SPTA1: variants seen among roughly 807,000 people sequenced by gnomAD.
SPTA1 encodes spectrin alpha, erythrocytic 1, also known as spectrin alpha chain, erythrocytic 1.
A neutral mutation model predicts 324.7 loss-of-function variants in SPTA1; 177 were observed. The ratio of observed to expected loss-of-function variants is 0.55; its 90% CI spans 0.48 to 0.62. The LOEUF is 0.62. Ranked by LOEUF, SPTA1 falls within the 20% of genes least tolerant of loss-of-function variation. The pLI is 0.00. For synonymous variants in SPTA1, 1,195 were observed against 1,041.3 expected (o/e 1.15, Z -2.84); for missense variants, 3,162 against 2,883.6 (o/e 1.10, Z -2.21).
In SPTA1 at chr1:158,680,748, A is replaced by C. The variant is rs1307616428; in HGVS notation, c.532-19T>G. ...TAGCCTCCTGTAGACACAGAAGTTG[A>C]TTGAGTTGCCAGCAAACATTTAGGA... On this transcript the variant is annotated intron_variant, in intron 4 of 51. Coordinates refer to ENST00000643759, the MANE Select transcript of SPTA1 (RefSeq NM_003126.4). 6.2e-7 allele frequency: 1 copy of C among 1,613,276 alleles called. No homozygotes were observed. The highest frequency in any genetic ancestry group is 8.5e-7 in the Non-Finnish European group (1 of 1,179,710).
Position 158,661,426 on chromosome 1 carries a change from T to C in SPTA1, c.2465-17A>G. 1 of 1,613,772 alleles carries C rather than the reference T, an allele frequency of 6.2e-7. No individual in the cohort carries two copies. Among genetic ancestry groups the C allele is most frequent in the Non-Finnish European group, 8.5e-7 (1 of 1,179,812 alleles). ...GGTCCTTTCCTGCAGAGGAAAGGAATTTCAAAGTTTCGGATTATCCTGGTG... is the reference window on the plus strand; with the variant it reads ...GGTCCTTTCCTGCAGAGGAAAGGAACTTCAAAGTTTCGGATTATCCTGGTG... On this transcript the variant is annotated splice_polypyrimidine_tract_variant and intron_variant, in intron 17 of 51. Transcript: ENST00000643759.
At position 158,634,616 on chromosome 1, in the gene SPTA1, T is replaced by C; in HGVS notation, c.5492A>G (p.Glu1831Gly). Residue 1831 changes from glutamate (E) to glycine (G), a missense_variant, in exon 39 of 52, where the codon GAG (glutamate) becomes GGG (glycine). By Grantham distance (98) the Glu-to-Gly change is moderately conservative (BLOSUM62 -2). Coordinates refer to ENST00000643759, the MANE Select transcript of SPTA1 (RefSeq NM_003126.4). ...YLQFMQNAEEEEAWINEKNAL... is the reference protein window; with the variant it reads ...YLQFMQNAEEGEAWINEKNAL... ...ATTCTTTTCATTGATCCAAGCTTCCTCTTCCTCAGCATTCTGCATGAATTG... is the reference window on the plus strand; with the variant it reads ...ATTCTTTTCATTGATCCAAGCTTCCCCTTCCTCAGCATTCTGCATGAATTG... The C allele has an allele frequency of 6.2e-7, 1 of 1,614,202 alleles. No individual in the cohort carries two copies. The highest frequency in any genetic ancestry group is 8.5e-7 in the Non-Finnish European group (1 of 1,180,038).
chr1:158,638,276 G>A (rs770899166), intron 35 of SPTA1, 35 bp from the exon 36 acceptor site: 13 of 1,591,242 alleles, frequency 8.2e-6, no homozygotes, highest in African/African-American at 1.3e-5. Context: ...GAATAGTATA[G>A]TATAGGCATT....
Position 158,672,102 on chromosome 1 carries a change from T to C in SPTA1, c.1445A>G (p.Tyr482Cys), listed in dbSNP as rs770797919. Reference sequence around the variant, plus strand: ...ACTGTCCACTTGCTCACTGTCTCTGTAGAAGAGATGAAAGTCCAAGCACTG... The same window carrying C: ...ACTGTCCACTTGCTCACTGTCTCTGCAGAAGAGATGAAAGTCCAAGCACTG... ...YEQCLDFHLF[Y>C]RDSEQVDSWM... The change falls in exon 11 of 52, where the codon TAC (tyrosine) becomes TGC (cysteine). Residue 482 changes from tyrosine (Y) to cysteine (C), a missense_variant. Tyr to Cys is a radical substitution (Grantham distance 194). Transcript: ENST00000643759. The C allele has an allele frequency of 1.2e-6, 2 of 1,613,928 alleles. No homozygotes were observed. Among genetic ancestry groups the C allele is most frequent in the Non-Finnish European group, 1.7e-6 (2 of 1,179,962 alleles).
rs902558298 is a variant in SPTA1 at position 158,640,022 on chromosome 1, G to A, written c.4738-15C>T. 3.1e-6 allele frequency: 5 copies of A among 1,613,624 alleles called. No homozygotes were observed. The African/African-American group carries it at 5.3e-5, about 17-fold the overall frequency. On this transcript the variant is annotated splice_polypyrimidine_tract_variant and intron_variant, in intron 33 of 51. Transcript: ENST00000643759. ...TCCAGTTGCTCCTAACCCAAGGAGAGTGAGGAGTCATTACAATCTTTAGGA... is the reference window on the plus strand; with the variant it reads ...TCCAGTTGCTCCTAACCCAAGGAGAATGAGGAGTCATTACAATCTTTAGGA...
intron 2 of SPTA1, 126 bp downstream of exon 2, chr1:158,684,982 T>G (rs946863617): frequency 2.5e-5 from 29 of 1,177,276 alleles, no homozygotes; most frequent in Non-Finnish European, 3.2e-5. Flanking sequence ...CACTGACTTA[T>G]TTTTGTTTCT....
At chr1:158,685,424 G>C (rs564641377) in intron 1 of SPTA1, 77 bp from the exon 2 acceptor site, 2 of 1,582,578 alleles carry the variant, frequency 1.3e-6, no homozygotes, top group East Asian at 4.5e-5. Flanking sequence ...GTGTCAAGGT[G>C]TTTACTCATG....
chr1:158,653,203 A>T (rs1344129290), intron 22 of SPTA1, 71 bp downstream of exon 22: 2 of 1,605,274 alleles, frequency 1.2e-6, no homozygotes, highest in South Asian at 2.2e-5. Flanking sequence ...ATGCAGGGTC[A>T]TGAGAAGAAA....
At chr1:158,651,530 T>C in intron 23 of SPTA1, 62 bp from the exon 24 acceptor site, 1 of 1,117,362 alleles carries the variant, frequency 8.9e-7, no homozygotes, top group South Asian at 1.2e-5. Context: ...AATCCCCTCA[T>C]CAAGAATCTA....
rs886045392 is a variant in SPTA1, at chr1:158,671,388, A to G, written c.1554T>C (p.His518=). Residue 518 remains histidine (H), a synonymous_variant, in exon 12 of 52, where the codon CAT becomes CAC. Coordinates refer to ENST00000643759, the MANE Select transcript of SPTA1 (RefSeq NM_003126.4). ...LGSAEALLQK[H]EDFEEAFTAQ... is the part of the protein sequence containing the mutation. ...CAGTAAAGGCTTCCTCAAAGTCTTC[A>G]TGCTTCTGAAGAAGGGCTTCTGCAC... 6.2e-7 allele frequency: 1 copy of G among 1,613,524 alleles called. No individual in the cohort carries two copies. The highest frequency in any genetic ancestry group is 1.1e-5 in the South Asian group (1 of 91,054).
chr1:158,644,208 A>G (rs751062212), intron 30 of SPTA1, 45 bp downstream of exon 30: 5 of 1,607,718 alleles, frequency 3.1e-6, no homozygotes, highest in Non-Finnish European at 1.7e-6. Flanking sequence ...TTCTGTTATT[A>G]TTACTACGGA....
At chr1:158,669,313 C>T (rs1235643443) in intron 14 of SPTA1, 95 bp downstream of exon 14, 2 of 1,539,306 alleles carry the variant, frequency 1.3e-6, no homozygotes, top group East Asian at 2.2e-5. Flanking sequence ...ATGAGGATCA[C>T]CAGCTGAACG....
In SPTA1 at chr1:158,644,257, G is replaced by C; in HGVS notation, c.4334C>G (p.Ala1445Gly). The C allele has an allele frequency of 6.2e-7, 1 of 1,613,698 alleles. No homozygotes were observed. The highest frequency in any genetic ancestry group is 8.5e-7 in the Non-Finnish European group (1 of 1,179,818). Reference sequence around the variant, plus strand: ...TCCTTTACTAGTCATTATTACCTGGGCAGTGATTGCTTTGTCCAAATCGTC... The same window carrying C: ...TCCTTTACTAGTCATTATTACCTGGCCAGTGATTGCTTTGTCCAAATCGTC... ...KRDDLDKAIT[A>G]QEGKITDLEH... The change falls in exon 30 of 52, where the codon GCC becomes GGC. Residue 1445 changes from alanine to glycine, a missense_variant. Transcript: ENST00000643759.
rs1013434887 is a variant in SPTA1 at position 158,637,925 on chromosome 1, A to G, written c.5189+108T>C. 20 of 1,271,172 alleles carry G rather than the reference A, an allele frequency of 1.6e-5. 1 individual carries two copies. Among genetic ancestry groups the G allele is most frequent in the African/African-American group, 4.4e-5 (3 of 68,240 alleles). The allele number at this position is 1,271,172 out of a possible 1,614,324, so 78.7% of individuals were successfully genotyped here. ...GCTGAGGCAAACATGAAGTAGTGCT[A>G]TCTTCAAGAAACAAGTACAAATTTC... On this transcript the variant is annotated intron_variant, in intron 36 of 51. Transcript: ENST00000643759.
At chr1:158,665,394 T>C (rs1488605823) in intron 16 of SPTA1, among the ~76,000 whole-genome samples, 1 of 151,742 alleles carries the variant, frequency 6.6e-6, no homozygotes, top group Middle Eastern at 3.2e-3. Flanking sequence ...TCCATTTAAC[T>C]CAGAGTGACC....
At chr1:158,665,410 G>A (rs1653521583) in intron 16 of SPTA1, among the ~76,000 whole-genome samples, 1 of 136,314 alleles carries the variant, frequency 7.3e-6, no homozygotes, top group South Asian at 2.2e-4. Flanking sequence ...TGACCATAGA[G>A]TAGGCATCAT....
intron 15 of SPTA1, 128 bp downstream of exon 15, chr1:158,667,730 A>T: frequency 2.1e-6 from 2 of 960,300 alleles, no homozygotes; most frequent in African/African-American, 1.7e-5. Context: ...TAAAAGAAAG[A>T]CACATGGAAG....
intron 34 of SPTA1, 67 bp downstream of exon 34, chr1:158,639,803 G>A (rs764031956): frequency 8.7e-6 from 14 of 1,612,806 alleles, no homozygotes; most frequent in African/African-American, 8.0e-5. Flanking sequence ...TTGCCCATGG[G>A]TAAATTCATT....
chr1:158,669,332 C>T (rs867471946), intron 14 of SPTA1, 76 bp downstream of exon 14: 1 of 1,601,646 alleles, frequency 6.2e-7, no homozygotes, highest in Non-Finnish European at 8.5e-7. Flanking sequence ...CGCTAAAGTT[C>T]ATTTTACTCC....
Sources: gnomAD v4.1 joint callset for allele counts (sites outside exome capture counted in the v4.1 genomes callset) on GRCh38, gnomAD v4.1.1 for gene constraint, MANE v1.5 for transcripts, NCBI Gene and HGNC (gene_info 2026-07-23, HGNC 2026-07-21) for gene names.